Variants in NXPH1 observed in about 807,000 individuals in gnomAD.
NXPH1 encodes the protein neurexophilin-1.
NXPH1 carries 5 observed loss-of-function variants against 23.7 expected under a neutral mutation model. That is an observed-to-expected ratio of 0.21 (90% CI 0.11 to 0.44). The LOEUF is 0.44. Ranked by LOEUF, NXPH1 falls within the 20% of genes least tolerant of loss-of-function variation. The pLI is 0.99. For synonymous variants in NXPH1, 144 were observed against 122.2 expected (o/e 1.18, Z -1.18); for missense variants, 324 against 321.6 (o/e 1.01, Z -0.06).
intron 2 of NXPH1, among the ~76,000 whole-genome samples, chr7:8,587,933 C>T (rs1315957091): frequency 6.6e-6 from 1 of 151,994 alleles, no homozygotes; most frequent in African/African-American, 2.4e-5. Flanking sequence ...GTAAATATTG[C>T]TGCAATTATG....
intron 2 of NXPH1, among the ~76,000 whole-genome samples, chr7:8,649,430 C>T (rs1820453123): frequency 6.6e-6 from 1 of 152,126 alleles, no homozygotes; most frequent in South Asian, 2.1e-4. Context: ...CTCTCAACAC[C>T]TGTGTGTATG....
At chr7:8,585,442 T>A (rs1310074629) in intron 2 of NXPH1, among the ~76,000 whole-genome samples, 2 of 152,196 alleles carry the variant, frequency 1.3e-5, no homozygotes, top group Non-Finnish European at 2.9e-5. Flanking sequence ...CTCAATTCTT[T>A]CAGTGTAACT....
chr7:8,592,017 T>C (rs1226591606), intron 2 of NXPH1, among the ~76,000 whole-genome samples: 1 of 151,880 alleles, frequency 6.6e-6, no homozygotes, highest in Non-Finnish European at 1.5e-5. Context: ...CAAAGACTGA[T>C]TGTGTCACTC....
At chr7:8,574,942 A>T (rs547415038) in intron 2 of NXPH1, among the ~76,000 whole-genome samples, 35 of 152,292 alleles carry the variant, frequency 2.3e-4, no homozygotes, top group African/African-American at 8.4e-4. Flanking sequence ...AAGTAGTTTT[A>T]TGGCACTTAC....
intron 2 of NXPH1, among the ~76,000 whole-genome samples, chr7:8,710,120 T>C (rs1310573114): frequency 6.6e-6 from 1 of 152,226 alleles, no homozygotes; most frequent in African/African-American, 2.4e-5. Flanking sequence ...AAAGCCTTGT[T>C]CTTAAGCATC....
intron 2 of NXPH1, among the ~76,000 whole-genome samples, chr7:8,615,054 T>C (rs1819705841): frequency 6.6e-6 from 1 of 152,050 alleles, no homozygotes; most frequent in Non-Finnish European, 1.5e-5. Context: ...ATCTCTTCTT[T>C]CTTTTTACTT....
intron 2 of NXPH1, among the ~76,000 whole-genome samples, chr7:8,544,034 C>A (rs143400295): frequency 6.6e-6 from 1 of 151,522 alleles, no homozygotes; most frequent in Non-Finnish European, 1.5e-5. Context: ...GAGCTACATC[C>A]GCAATCCAAC....
intron 2 of NXPH1, among the ~76,000 whole-genome samples, chr7:8,501,159 G>C (rs895325408): frequency 1.3e-5 from 2 of 152,006 alleles, no homozygotes; most frequent in African/African-American, 2.4e-5. Context: ...TTGTCATCTA[G>C]CTCTTTTGAG....
At chr7:8,591,514 T>TA (rs1293014694) in intron 2 of NXPH1, among the ~76,000 whole-genome samples, 1 of 152,090 alleles carries the variant, frequency 6.6e-6, no homozygotes, top group Admixed American at 6.6e-5. Flanking sequence ...TATCATGCTT[T>TA]AAGATTCTTA....
Position 8,751,099 on chromosome 7 carries a change from G to T in NXPH1, c.146G>T (p.Ser49Ile), listed in dbSNP as rs1382691187. ...KSTLKHIWTE[S>I]SKDLSISRLL... ...ACACTAAAGCACATATGGACAGAAA[G>T]CAGCAAAGACTTGTCTATCAGCCGA... is the stretch of plus-strand genomic sequence containing the variant. The change falls in exon 3 of 3, where the codon AGC becomes ATC. Residue 49 changes from serine to isoleucine, a missense_variant. Coordinates refer to ENST00000405863, the MANE Select transcript of NXPH1 (RefSeq NM_152745.3). The surrounding 1 kb of genome is among the most constrained non-coding windows in gnomAD (Gnocchi z 4.5). 6 of 1,613,852 alleles carry T rather than the reference G, an allele frequency of 3.7e-6. No homozygotes were observed. Among genetic ancestry groups the T allele is most frequent in the Non-Finnish European group, 4.2e-6 (5 of 1,179,778 alleles).
intron 2 of NXPH1, among the ~76,000 whole-genome samples, chr7:8,742,202 T>C (rs944335376): frequency 2.6e-5 from 4 of 152,124 alleles, no homozygotes; most frequent in African/African-American, 9.7e-5. Flanking sequence ...CACTTTTGGG[T>C]ATGGATGACT....
chr7:8,561,011 T>A (rs952656531), intron 2 of NXPH1, among the ~76,000 whole-genome samples: 1 of 151,566 alleles, frequency 6.6e-6, no homozygotes, highest in African/African-American at 2.4e-5. Flanking sequence ...ATATTAATGA[T>A]CATAAGTACA....
intron 2 of NXPH1, among the ~76,000 whole-genome samples, chr7:8,679,891 C>T (rs945475328): frequency 2.6e-5 from 4 of 152,304 alleles, no homozygotes; most frequent in South Asian, 2.1e-4. Context: ...TGTGGTGGCG[C>T]GTGCCTGTAA....
chr7:8,741,830 A>G (rs1383537535), intron 2 of NXPH1, among the ~76,000 whole-genome samples: 1 of 152,144 alleles, frequency 6.6e-6, no homozygotes, highest in African/African-American at 2.4e-5. Flanking sequence ...TGTAGCTAAG[A>G]ATATGAACCA....
intron 2 of NXPH1, among the ~76,000 whole-genome samples, chr7:8,549,210 C>T (rs1818240232): frequency 6.6e-6 from 1 of 151,486 alleles, no homozygotes. Flanking sequence ...TTCCAGATCC[C>T]ACTAGAGTCT....
chr7:8,498,868 G>C (rs1224223620), intron 2 of NXPH1, among the ~76,000 whole-genome samples: 1 of 152,090 alleles, frequency 6.6e-6, no homozygotes, highest in Non-Finnish European at 1.5e-5. Flanking sequence ...ATGTAGGTTA[G>C]AGTTGGGTAG....
chr7:8,462,241 G>T (rs946671819), intron 2 of NXPH1, among the ~76,000 whole-genome samples: 3 of 152,186 alleles, frequency 2.0e-5, no homozygotes, highest in Admixed American at 6.5e-5. Flanking sequence ...TAGAGATGGG[G>T]TTTCACCATG....
intron 2 of NXPH1, among the ~76,000 whole-genome samples, chr7:8,624,658 A>C (rs1819949558): frequency 6.6e-6 from 1 of 152,186 alleles, no homozygotes; most frequent in East Asian, 1.9e-4. Context: ...ATGGAGTTGT[A>C]CAAAAGAGTG....
chr7:8,734,710 T>C (rs1780218723), intron 2 of NXPH1, among the ~76,000 whole-genome samples: 1 of 152,162 alleles, frequency 6.6e-6, no homozygotes, highest in Admixed American at 6.6e-5. Context: ...TCTTAGGTCC[T>C]CTCGGTCCAG....
Sources: gnomAD v4.1 joint callset for allele counts (sites outside exome capture counted in the v4.1 genomes callset) on GRCh38, gnomAD v4.1.1 for gene constraint, Gnocchi (gnomAD v3.1) non-coding constraint, MANE v1.5 for transcripts, NCBI Gene and HGNC (gene_info 2026-07-23, HGNC 2026-07-21) for gene names.